APOL2: variants seen among roughly 807,000 people sequenced by gnomAD.
APOL2 encodes apolipoprotein L2.
In APOL2, 8 loss-of-function variants were observed where a neutral mutation model predicts 7.1. That is an observed-to-expected ratio of 1.12 (90% CI 0.66 to 2.03). The LOEUF is 2.03. APOL2 is among the 30% of genes most tolerant of loss of function. The pLI is 0.00. For synonymous variants in APOL2, 177 were observed against 159.9 expected, an observed-to-expected ratio of 1.11 and a Z score of -0.81; for missense variants, 471 against 415.1, an observed-to-expected ratio of 1.13 and a Z score of -1.17.
At position 36,228,148 on chromosome 22, in the gene APOL2, C is replaced by T; in HGVS notation, c.270G>A (p.Arg90=). 6 of 1,614,214 alleles carry T rather than the reference C, an allele frequency of 3.7e-6. No individual in the cohort carries two copies. Among genetic ancestry groups the T allele is most frequent in the Non-Finnish European group, 5.1e-6 (6 of 1,180,042 alleles). ...GCTTCCTTATGTGATCCTCAAGCTC[C>T]CTTTTCAACCGAGGAAACTCTTTCA... ...WFLKEFPRLK[R]ELEDHIRKLR... The change falls in exon 5 of 5, where the codon AGG becomes AGA. Residue 90 remains arginine, a synonymous_variant. Transcript: ENST00000358502.
At chr22:36,236,972 G>A (rs1243879968) in intron 1 of APOL2, 10 of 1,374,104 alleles carry the variant, frequency 7.3e-6, no homozygotes, top group Admixed American at 3.2e-5. Context: ...CAGGGGAGCT[G>A]TCTCAACGCC....
At position 36,233,213 on chromosome 22, in the gene APOL2, C is replaced by G. The variant is rs2015288774; in HGVS notation, c.-51G>C. On this transcript the variant is annotated 5_prime_UTR_variant, in exon 3 of 5. Transcript: ENST00000358502. ...GGCTTTCCTTGGAGCTCTCCAGTCA[C>G]TGTCCAGACTGGAAGGTTTTCCTTA... is the stretch of plus-strand genomic sequence containing the variant. The G allele has an allele frequency of 1.9e-6, 3 of 1,614,104 alleles. No homozygotes were observed. The East Asian group carries it at 6.7e-5, about 36-fold the overall frequency.
rs1278265976 is a variant in APOL2 at position 36,231,414 on chromosome 22, G to A, written c.63C>T (p.Ser21=). ...DYLKYFQDQV[S]RENLLQLLTD... The stretch of plus-strand genomic sequence containing the variant: ...TCAGCAGTTGTAGCAGATTCTCTCT[G>A]CTCACTTGGTCCTGGAAATACTTAA... Residue 21 remains serine, a synonymous_variant, in exon 4 of 5, where the codon AGC becomes AGT. Coordinates refer to ENST00000358502, the MANE Select transcript of APOL2 (RefSeq NM_030882.4). 6.2e-7 allele frequency: 1 copy of A among 1,613,998 alleles called. No individual in the cohort carries two copies. The highest frequency in any genetic ancestry group is 1.7e-5 in the Admixed American group (1 of 60,010).
chr22:36,238,708 G>A (rs980018825), intron 1 of APOL2, among the ~76,000 whole-genome samples: 4 of 152,216 alleles, frequency 2.6e-5, no homozygotes, highest in African/African-American at 7.2e-5. Flanking sequence ...TCTGCAATGC[G>A]ACCTTCTCAC....
chr22:36,238,747 G>A (rs951732336), intron 1 of APOL2, among the ~76,000 whole-genome samples: 3 of 152,184 alleles, frequency 2.0e-5, no homozygotes, highest in African/African-American at 7.2e-5. Context: ...TTTCCCATTA[G>A]GGACACAGCA....
chr22:36,237,807 G>C (rs554837635), intron 1 of APOL2, among the ~76,000 whole-genome samples: 1 of 152,050 alleles, frequency 6.6e-6, no homozygotes, highest in Non-Finnish European at 1.5e-5. Flanking sequence ...CTTCCTCACC[G>C]CTCCCTGCCA....
chr22:36,233,084 G>T, intron 3 of APOL2, 69 bp downstream of exon 3: 3 of 1,480,750 alleles, frequency 2.0e-6, no homozygotes, highest in South Asian at 1.1e-5. Context: ...GGCTCACTCA[G>T]CTGTGGAGGT....
In APOL2 at chr22:36,231,428, G is replaced by T. The variant is rs1251609482; in HGVS notation, c.49C>A (p.Gln17Lys). ...AGATTCTCTCTGCTCACTTGGTCCT[G>T]GAAATACTTAAGGTAATCCTCAATA... is the stretch of plus-strand genomic sequence containing the variant. ...IFIEDYLKYF[Q>K]DQVSRENLLQ... Residue 17 changes from glutamine (Q) to lysine (K), a missense_variant, in exon 4 of 5, where the codon CAG (glutamine) becomes AAG (lysine). Gln to Lys is a moderately conservative substitution (Grantham distance 53). Coordinates refer to ENST00000358502, the MANE Select transcript of APOL2 (RefSeq NM_030882.4). The T allele has an allele frequency of 8.7e-6, 14 of 1,613,952 alleles. No individual in the cohort carries two copies. Among genetic ancestry groups the T allele is most frequent in the African/African-American group, 2.7e-5 (2 of 74,918 alleles).
rs199915370 is a variant in APOL2 at position 36,227,852 on chromosome 22, G to A, written c.566C>T (p.Thr189Ile). The A allele has an allele frequency of 5.4e-5, 87 of 1,614,036 alleles. No homozygotes were observed. The highest frequency in any genetic ancestry group is 7.2e-5 in the Non-Finnish European group (85 of 1,180,044). The change falls in exon 5 of 5, where the codon ACC becomes ATC. Residue 189 changes from threonine to isoleucine, a missense_variant. Coordinates refer to ENST00000358502, the MANE Select transcript of APOL2 (RefSeq NM_030882.4). The part of the protein sequence containing the change: ...AQARNLDQSG[T>I]NVAKVMKEFV... ...CTCCTTCATCACCTTTGCTACATTG[G>A]TGCCGCTTTGGTCCAAGTTGCGGGC...
intron 1 of APOL2, chr22:36,237,122 G>T: frequency 6.5e-7 from 1 of 1,532,900 alleles, no homozygotes; most frequent in African/African-American, 1.4e-5. Flanking sequence ...TTGTTGGCCT[G>T]GCTCCCACCT....
chr22:36,237,395 T>A, intron 1 of APOL2: 1 of 1,242,248 alleles, frequency 8.0e-7, no homozygotes. Flanking sequence ...CGAAATGATT[T>A]CCTGAGAAAT....
chr22:36,239,737 T>C, upstream of APOL2: 2 of 544,782 alleles, frequency 3.7e-6, no homozygotes, highest in Non-Finnish European at 6.6e-6. Context: ...CCCACCTGCC[T>C]CACATCCTCA....
rs373647571 is a variant in APOL2, at chr22:36,227,963, C to A, written c.455G>T (p.Gly152Val). 6.5e-5 allele frequency: 105 copies of A among 1,614,116 alleles called. No homozygotes were observed. The highest frequency in any genetic ancestry group is 8.8e-5 in the Non-Finnish European group (104 of 1,180,054). ...EGISFVLLDT[G>V]MGLGAAAAVA... The stretch of plus-strand genomic sequence containing the variant: ...AGCAGCTGCTGCTCCCAGACCCATG[C>A]CAGTGTCCAAGAGCACAAAACTGAT... Residue 152 changes from glycine (G) to valine (V), a missense_variant, in exon 5 of 5, where the codon GGC (glycine) becomes GTC (valine). By Grantham distance (109) the Gly-to-Val change is moderately radical (BLOSUM62 -3). Transcript: ENST00000358502.
chr22:36,237,764 G>A (rs565931971), intron 1 of APOL2, among the ~76,000 whole-genome samples: 5 of 152,068 alleles, frequency 3.3e-5, no homozygotes, highest in South Asian at 2.1e-4. Context: ...CCCATAGCAG[G>A]GCACACAGGC....
rs1287626516 is a variant in APOL2, at chr22:36,227,387, G to A, written c.*17C>T. 6.3e-7 allele frequency: 1 copy of A among 1,581,124 alleles called. No individual in the cohort carries two copies. Among genetic ancestry groups the A allele is most frequent in the Non-Finnish European group, 8.6e-7 (1 of 1,164,922 alleles). On this transcript the variant is annotated 3_prime_UTR_variant, in exon 5 of 5. Coordinates refer to ENST00000358502, the MANE Select transcript of APOL2 (RefSeq NM_030882.4). ...TGTGCCCGGCATTTCTGCCCTGGTG[G>A]CTGCACTGCTCTGGGGTCATTGGTC...
In APOL2 at chr22:36,235,936, G is replaced by A. The variant is rs527614624; in HGVS notation, c.-133-2481C>T. 1.3e-4 allele frequency among the ~76,000 whole-genome samples: 20 copies of A among 152,172 alleles called. No individual in the cohort carries two copies. In the South Asian group the frequency reaches 4.1e-3, roughly 32 times the overall value. ...TAGGCCTACAAAACGACCAGTCCAGGATGGAATAAAAAGGGAATGGTTCTG... is the reference window on the plus strand; with the variant it reads ...TAGGCCTACAAAACGACCAGTCCAGAATGGAATAAAAAGGGAATGGTTCTG... On this transcript the variant is annotated intron_variant, in intron 1 of 4. Coordinates refer to ENST00000358502, the MANE Select transcript of APOL2 (RefSeq NM_030882.4).
In APOL2 at chr22:36,227,924, G is replaced by A; in HGVS notation, c.494C>T (p.Thr165Ile). Residue 165 changes from threonine (T) to isoleucine (I), a missense_variant, in exon 5 of 5, where the codon ACC becomes ATC. By Grantham distance (89) the Thr-to-Ile change is moderately conservative. Coordinates refer to ENST00000358502, the MANE Select transcript of APOL2 (RefSeq NM_030882.4). Reference sequence around the variant, plus strand: ...GTTTACTAGTTCTACCACACTGCAGGTAATCCCAGCCACAGCAGCTGCTGC... The same window carrying A: ...GTTTACTAGTTCTACCACACTGCAGATAATCCCAGCCACAGCAGCTGCTGC... ...LGAAAAVAGI[T>I]CSVVELVNKL... The A allele has an allele frequency of 6.2e-7, 1 of 1,614,208 alleles. No individual in the cohort carries two copies. The highest frequency in any genetic ancestry group is 1.1e-5 in the South Asian group (1 of 91,084).
chr22:36,227,926 A>T lies in APOL2; in HGVS notation c.492T>A (p.Ile164=). 6.2e-7 allele frequency: 1 copy of T among 1,614,204 alleles called. No individual in the cohort carries two copies. Among genetic ancestry groups the T allele is most frequent in the Non-Finnish European group, 8.5e-7 (1 of 1,180,030 alleles). ...GLGAAAAVAG[I]TCSVVELVNK... ...TTACTAGTTCTACCACACTGCAGGT[A>T]ATCCCAGCCACAGCAGCTGCTGCTC... The change falls in exon 5 of 5, where the codon ATT becomes ATA. Residue 164 remains isoleucine (I), a synonymous_variant. Coordinates refer to ENST00000358502, the MANE Select transcript of APOL2 (RefSeq NM_030882.4).
rs769999720 is a variant in APOL2 at position 36,227,560 on chromosome 22, C to T, written c.858G>A (p.Leu286=). ...ACTCATATGCAAGGCTGACCACATCCAGCAGAAGCAAGATGCCTCCAGTGG... is the reference window on the plus strand; with the variant it reads ...ACTCATATGCAAGGCTGACCACATCTAGCAGAAGCAAGATGCCTCCAGTGG... ...GAATGGILLL[L]DVVSLAYESK... Residue 286 remains leucine (L), a synonymous_variant, in exon 5 of 5, where the codon CTG becomes CTA. Transcript: ENST00000358502. 3 of 1,614,126 alleles carry T rather than the reference C, an allele frequency of 1.9e-6. No homozygotes were observed. The highest frequency in any genetic ancestry group is 2.2e-5 in the South Asian group (2 of 91,094).
Sources: allele counts gnomAD v4.1 joint callset (sites outside exome capture counted in the v4.1 genomes callset), GRCh38; gene constraint gnomAD v4.1.1; transcripts MANE v1.5; gene names NCBI Gene and HGNC (gene_info 2026-07-23, HGNC 2026-07-21).